The following AFF3 variants were observed in gnomAD, a reference collection of about 807,000 sequenced individuals.
The protein encoded by AFF3 is ALF transcription elongation factor 3.
In AFF3, 32 loss-of-function variants were observed where a neutral mutation model predicts 129.7. The ratio of observed to expected loss-of-function variants is 0.25; its 90% CI spans 0.19 to 0.33. The LOEUF is 0.33. Ranked by LOEUF, AFF3 falls within the 10% of genes least tolerant of loss-of-function variation. AFF3 has a pLI of 1.00. For synonymous variants in AFF3, 644 were observed against 635.4 expected (o/e 1.01, Z -0.20); for missense variants, 1,373 against 1,592.0 (o/e 0.86, Z 2.34).
intron 8 of AFF3, among the ~76,000 whole-genome samples, chr2:99,835,998 T>C (rs866703338): frequency 3.3e-5 from 5 of 152,174 alleles, no homozygotes; most frequent in African/African-American, 7.2e-5. Flanking sequence ...TTTATTCAAA[T>C]TGAATTTTGC....
chr2:99,591,559 C>T (rs931612370), intron 15 of AFF3, among the ~76,000 whole-genome samples: 1 of 152,198 alleles, frequency 6.6e-6, no homozygotes, highest in African/African-American at 2.4e-5. Context: ...AAAAAGGAGA[C>T]TGAGTGCCTT....
intron 2 of AFF3, chr2:100,105,805 A>G: frequency 8.1e-6 from 11 of 1,351,478 alleles, no homozygotes; most frequent in African/African-American, 1.5e-5. Context: ...CCGGATTCTC[A>G]CCAGGGATTC....
chr2:99,554,780 G>GA, intron 22 of AFF3, 48 bp from the exon 23 acceptor site: 1 of 1,607,420 alleles, frequency 6.2e-7, no homozygotes, highest in Non-Finnish European at 8.5e-7. Context: ...TGCGTGAGGT[G>GA]AAACAGGTGA....
intron 11 of AFF3, among the ~76,000 whole-genome samples, chr2:99,708,893 A>G (rs530217985): frequency 2.0e-5 from 3 of 152,352 alleles, no homozygotes; most frequent in African/African-American, 7.2e-5. Flanking sequence ...GATATTCAGT[A>G]TTTTGGAACT....
rs76897039 is a variant in AFF3 at position 99,863,171 on chromosome 2, G to A, written c.874-25647C>T. Among the ~76,000 whole-genome samples, 164 of 152,336 alleles carry A rather than the reference G, an allele frequency of 1.1e-3. No individual in the cohort carries two copies. In the East Asian group the frequency reaches 0.013, roughly 12 times the overall value. On this transcript the variant is annotated intron_variant, in intron 7 of 24. Transcript: ENST00000672756. ...AATAACAGAGGTTGAGAAGAAAAGC[G>A]TAAGCTTTTTTACAGATGGATGTTT...
intron 11 of AFF3, among the ~76,000 whole-genome samples, chr2:99,724,247 C>T (rs1679158071): frequency 7.4e-6 from 1 of 135,848 alleles, no homozygotes; most frequent in African/African-American, 2.8e-5. Context: ...TGCTCTAACT[C>T]CTCACTTCAG....
intron 7 of AFF3, among the ~76,000 whole-genome samples, chr2:99,943,915 A>AT (rs113352017): frequency 0.011 from 1,551 of 147,412 alleles, 24 homozygotes; most frequent in African/African-American, 0.032. Flanking sequence ...CTGTATTCCA[A>AT]TTTTTTTTTT....
chr2:99,707,832 G>T (rs1427059268), intron 11 of AFF3, among the ~76,000 whole-genome samples: 2 of 151,990 alleles, frequency 1.3e-5, no homozygotes, highest in Non-Finnish European at 2.9e-5. Context: ...CAGATTGCCA[G>T]AATTCATTCT....
intron 7 of AFF3, among the ~76,000 whole-genome samples, chr2:99,896,946 T>G (rs1294129275): frequency 1.3e-5 from 2 of 152,136 alleles, no homozygotes; most frequent in Admixed American, 1.3e-4. Flanking sequence ...TGTGCATTCT[T>G]ATTTCATAGT....
At chr2:100,071,740 C>T (rs1019317863) in intron 4 of AFF3, among the ~76,000 whole-genome samples, 6 of 152,216 alleles carry the variant, frequency 3.9e-5, no homozygotes, top group African/African-American at 1.2e-4. Flanking sequence ...TACCAAATTA[C>T]GACATAAAGG....
chr2:100,136,781 A>T (rs1319961639), intron 1 of AFF3, among the ~76,000 whole-genome samples: 5 of 152,152 alleles, frequency 3.3e-5, no homozygotes, highest in Non-Finnish European at 7.3e-5. Context: ...CCCCAAATGC[A>T]TTGGAATTTT....
At chr2:100,056,051 G>A (rs1419671941) in intron 4 of AFF3, among the ~76,000 whole-genome samples, 2 of 105,086 alleles carry the variant, frequency 1.9e-5, no homozygotes, top group Admixed American at 9.8e-5. Flanking sequence ...AAAAAAAATC[G>A]CTGTCTCTCT....
intron 7 of AFF3, among the ~76,000 whole-genome samples, chr2:99,917,666 TA>T (rs915286569): frequency 6.6e-5 from 10 of 152,156 alleles, no homozygotes; most frequent in African/African-American, 2.4e-4. Context: ...GATTTTTCTA[TA>T]TTAAAAAGGA....
intron 11 of AFF3, among the ~76,000 whole-genome samples, chr2:99,691,285 G>C (rs930419333): frequency 1.3e-5 from 2 of 152,210 alleles, no homozygotes; most frequent in African/African-American, 4.8e-5. Context: ...GGGATACTTA[G>C]AGTCTCATTT....
chr2:99,811,598 G>C (rs1686795125), intron 8 of AFF3, among the ~76,000 whole-genome samples: 1 of 152,214 alleles, frequency 6.6e-6, no homozygotes, highest in Non-Finnish European at 1.5e-5. Context: ...CAGATGTGAG[G>C]TTGTTCAGAA....
chr2:100,038,735 T>G (rs181107406), intron 4 of AFF3, among the ~76,000 whole-genome samples: 1 of 152,080 alleles, frequency 6.6e-6, no homozygotes, highest in East Asian at 1.9e-4. Flanking sequence ...TTCTTTTTTT[T>G]TTTTTTAGAC....
At chr2:99,781,372 G>A (rs889050132) in intron 8 of AFF3, among the ~76,000 whole-genome samples, 3 of 152,238 alleles carry the variant, frequency 2.0e-5, no homozygotes, top group African/African-American at 7.2e-5. Flanking sequence ...TATATTTATT[G>A]GTTTATCTGT....
intron 7 of AFF3, among the ~76,000 whole-genome samples, chr2:99,930,612 G>C (rs368258509): frequency 6.6e-6 from 1 of 152,044 alleles, no homozygotes; most frequent in East Asian, 1.9e-4. Context: ...TCTGCACTGG[G>C]GGACAAACCA....
At chr2:99,684,345 A>G (rs1405723341) in intron 11 of AFF3, among the ~76,000 whole-genome samples, 3 of 152,156 alleles carry the variant, frequency 2.0e-5, no homozygotes, top group Admixed American at 2.0e-4. Context: ...GTACCTGGGT[A>G]TTACAGAGGT....
Sources: allele counts gnomAD v4.1 joint callset (sites outside exome capture counted in the v4.1 genomes callset), GRCh38; gene constraint gnomAD v4.1.1; transcripts MANE v1.5; gene names NCBI Gene and HGNC (gene_info 2026-07-23, HGNC 2026-07-21).